ANO6: variants seen among roughly 807,000 people sequenced by gnomAD.
ANO6 encodes the protein anoctamin-6.
Under a neutral mutation model 117.5 loss-of-function variants are expected in ANO6, and 106 were observed. That is an observed-to-expected ratio of 0.90 (90% CI 0.77 to 1.06). The LOEUF (loss-of-function observed/expected upper bound fraction) is 1.06, where lower values mean the gene tolerates loss of function less well. Ranked by LOEUF, ANO6 falls within the 50% of genes least tolerant of loss-of-function variation. ANO6 has a pLI of 0.00. For synonymous variants in ANO6, 367 were observed against 385.1 expected (o/e 0.95, Z 0.55); for missense variants, 955 against 1,121.1 (o/e 0.85, Z 2.12).
At position 45,431,911 on chromosome 12, in the gene ANO6, G is replaced by C; in HGVS notation, c.*2600G>C. 1.0e-6 allele frequency: 1 copy of C among 985,334 alleles called. No homozygotes were observed. Among genetic ancestry groups the C allele is most frequent in the Non-Finnish European group, 1.2e-6 (1 of 829,872 alleles). 61.0% of individuals were successfully genotyped at this position (985,334 alleles called of 1,614,324 possible). ...ATTGAAACATTAGAGCAAATACTCA[G>C]GGGATTTTTCATTAAACATCCCTCA... On this transcript the variant is annotated 3_prime_UTR_variant, in exon 20 of 20. Transcript: ENST00000320560.
chr12:45,279,298 C>T (rs77837108), intron 1 of ANO6, among the ~76,000 whole-genome samples: 2,649 of 152,246 alleles, frequency 0.017, 55 homozygotes, highest in East Asian at 0.085. Context: ...GAAATTGCTT[C>T]GAGGCTTTCC....
At chr12:45,426,906 C>T (rs774092189) in intron 19 of ANO6, among the ~76,000 whole-genome samples, 1 of 151,650 alleles carries the variant, frequency 6.6e-6, no homozygotes, top group Non-Finnish European at 1.5e-5. Flanking sequence ...CTCCTGAACT[C>T]CACCCATGAA....
chr12:45,372,580 T>C (rs1264282484), intron 9 of ANO6, among the ~76,000 whole-genome samples: 1 of 146,500 alleles, frequency 6.8e-6, no homozygotes, highest in Non-Finnish European at 1.5e-5. Flanking sequence ...GAAAAGAATT[T>C]TCAACCCAGA....
chr12:45,246,822 T>A (rs1311465278), intron 1 of ANO6, among the ~76,000 whole-genome samples: 1 of 149,810 alleles, frequency 6.7e-6, no homozygotes, highest in African/African-American at 2.5e-5. Flanking sequence ...TGGAGCGCAG[T>A]GGCGCTGTCT....
At chr12:45,337,513 G>A (rs1209331779) in intron 3 of ANO6, among the ~76,000 whole-genome samples, 8 of 152,000 alleles carry the variant, frequency 5.3e-5, no homozygotes, top group Admixed American at 2.0e-4. Flanking sequence ...TTCTCAGAAC[G>A]TATCCCTGTT....
chr12:45,233,784 C>G (rs1050707878), intron 1 of ANO6, among the ~76,000 whole-genome samples: 2 of 152,160 alleles, frequency 1.3e-5, no homozygotes, highest in African/African-American at 4.8e-5. Flanking sequence ...AACCTTCCTC[C>G]ACATGGTCCC....
intron 1 of ANO6, among the ~76,000 whole-genome samples, chr12:45,272,628 T>C (rs1938428624): frequency 6.6e-6 from 1 of 152,194 alleles, no homozygotes; most frequent in African/African-American, 2.4e-5. Context: ...CTTAGAGTTC[T>C]TAATAAACAC....
chr12:45,367,882 TC>T, intron 9 of ANO6, 89 bp downstream of exon 9: 1 of 972,696 alleles, frequency 1.0e-6, no homozygotes, highest in Non-Finnish European at 1.6e-6. Context: ...GTATCTTTTT[TC>T]CTCTGAGGAA....
In ANO6 at chr12:45,228,231, A is replaced by T. The variant is rs550556178; in HGVS notation, c.70+11840A>T. 2,505 of 440,382 alleles carry T rather than the reference A, an allele frequency of 5.7e-3. 67 individuals carry two copies. The highest frequency in any genetic ancestry group is 0.048 in the African/African-American group (2,271 of 46,970). The allele number at this position is 440,382 out of a possible 1,614,324, so 27.3% of individuals were successfully genotyped here. On this transcript the variant is annotated intron_variant, in intron 1 of 19. Transcript: ENST00000320560. The stretch of plus-strand genomic sequence containing the variant: ...ACTGTAGCATTGACTCCCAGACTCA[A>T]TTGATCCTCTTACCTCAACCTCCTG...
intron 15 of ANO6, among the ~76,000 whole-genome samples, chr12:45,406,065 C>T (rs1427526725): frequency 3.3e-5 from 5 of 152,208 alleles, no homozygotes; most frequent in Admixed American, 3.3e-4. Context: ...CACATGTACC[C>T]TCCTCTTCCT....
chr12:45,357,525 G>A, intron 8 of ANO6, 101 bp downstream of exon 8: 2 of 1,401,362 alleles, frequency 1.4e-6, no homozygotes, highest in Non-Finnish European at 2.0e-6. Flanking sequence ...ACTGACTGCA[G>A]AACATTCATT....
intron 1 of ANO6, among the ~76,000 whole-genome samples, chr12:45,277,452 C>T (rs1003922134): frequency 1.3e-5 from 2 of 152,188 alleles, no homozygotes; most frequent in Non-Finnish European, 2.9e-5. Flanking sequence ...TGATCTCCTC[C>T]ACGCTGCCCA....
intron 2 of ANO6, among the ~76,000 whole-genome samples, chr12:45,316,047 G>C (rs920587119): frequency 4.6e-5 from 7 of 151,880 alleles, no homozygotes; most frequent in Admixed American, 3.3e-4. Flanking sequence ...ATAAAAATCA[G>C]ATTTATTTAT....
intron 9 of ANO6, among the ~76,000 whole-genome samples, chr12:45,368,098 CT>C (rs1201872223): frequency 6.6e-6 from 1 of 152,148 alleles, no homozygotes; most frequent in Non-Finnish European, 1.5e-5. Flanking sequence ...CTTATAAATA[CT>C]TTTTAATAGA....
intron 2 of ANO6, among the ~76,000 whole-genome samples, chr12:45,315,209 G>C (rs557253398): frequency 1.3e-5 from 2 of 152,174 alleles, no homozygotes; most frequent in South Asian, 4.1e-4. Flanking sequence ...AGCTATTGAG[G>C]CCAAAGAACT....
intron 17 of ANO6, among the ~76,000 whole-genome samples, 184 bp downstream of exon 17, chr12:45,417,088 T>A (rs1385752903): frequency 2.6e-5 from 4 of 152,230 alleles, no homozygotes; most frequent in Admixed American, 1.3e-4. Flanking sequence ...ATATAATTAT[T>A]TTTAACTGTC....
intron 7 of ANO6, among the ~76,000 whole-genome samples, chr12:45,353,667 C>T (rs538422301): frequency 6.6e-6 from 1 of 152,240 alleles, no homozygotes; most frequent in Admixed American, 6.5e-5. Flanking sequence ...GGGCTCTTTC[C>T]ATTTTGTTCC....
intron 9 of ANO6, among the ~76,000 whole-genome samples, chr12:45,369,197 A>T (rs1941761200): frequency 6.6e-6 from 1 of 152,188 alleles, no homozygotes; most frequent in African/African-American, 2.4e-5. Flanking sequence ...TAGACTATAA[A>T]TATCTGTTGT....
intron 8 of ANO6, among the ~76,000 whole-genome samples, chr12:45,359,749 T>C (rs1397081184): frequency 6.6e-6 from 1 of 152,234 alleles, no homozygotes; most frequent in African/African-American, 2.4e-5. Context: ...GCTATGAACA[T>C]TCATGGACAA....
Sources: gnomAD v4.1 joint callset for allele counts (sites outside exome capture counted in the v4.1 genomes callset) on GRCh38, gnomAD v4.1.1 for gene constraint, MANE v1.5 for transcripts, NCBI Gene and HGNC (gene_info 2026-07-23, HGNC 2026-07-21) for gene names.